Variants in ATP10D observed in about 807,000 individuals in gnomAD.
ATP10D encodes the protein ATPase phospholipid transporting 10D (putative), also known as phospholipid-transporting ATPase VD.
Under a neutral mutation model 144.8 loss-of-function variants are expected in ATP10D, and 89 were observed. The ratio of observed to expected loss-of-function variants is 0.61; its 90% CI spans 0.52 to 0.73. ATP10D has a LOEUF of 0.73. Ranked by LOEUF, ATP10D falls within the 30% of genes least tolerant of loss-of-function variation. The pLI, the probability that ATP10D is intolerant of heterozygous loss-of-function variation, is 0.00. For missense variants in ATP10D, 1,603 were observed against 1,714.8 expected (o/e 0.93, Z 1.15); for synonymous variants, 571 against 615.1 (o/e 0.93, Z 1.06).
intron 3 of ATP10D, among the ~76,000 whole-genome samples, chr4:47,519,665 G>T (rs1334313956): frequency 6.6e-6 from 1 of 152,130 alleles, no homozygotes; most frequent in Non-Finnish European, 1.5e-5. Flanking sequence ...GGACTGATGT[G>T]CTGTCTCACC....
chr4:47,548,069 C>A (rs909491656), intron 10 of ATP10D, among the ~76,000 whole-genome samples: 1 of 151,894 alleles, frequency 6.6e-6, no homozygotes, highest in Non-Finnish European at 1.5e-5. Context: ...TTTTATCTAT[C>A]CTTGTATTGA....
chr4:47,514,094 G>A (rs1437989105), intron 2 of ATP10D, among the ~76,000 whole-genome samples: 1 of 152,214 alleles, frequency 6.6e-6, no homozygotes, highest in African/African-American at 2.4e-5. Flanking sequence ...GGCTGGAAGA[G>A]TATTTTGTTT....
intron 5 of ATP10D, among the ~76,000 whole-genome samples, chr4:47,528,906 C>T (rs964966380): frequency 6.6e-6 from 1 of 151,988 alleles, no homozygotes; most frequent in South Asian, 2.1e-4. Context: ...TCTGATGACT[C>T]GTGATGCTGA....
In ATP10D at chr4:47,546,628, G is replaced by C. The variant is rs139734817; in HGVS notation, c.1401G>C (p.Arg467Ser). 14 of 1,613,742 alleles carry C rather than the reference G, an allele frequency of 8.7e-6. No homozygotes were observed. The highest frequency in any genetic ancestry group is 1.2e-5 in the Non-Finnish European group (14 of 1,179,770). ...GFDYCHEENA[R>S]RLESYQEAVS... ...AGTGTGCTTTTTATCCCACAGCCAGGAGGTTGGAGTCCTATCAGGAAGCTG... is the reference window on the plus strand; with the variant it reads ...AGTGTGCTTTTTATCCCACAGCCAGCAGGTTGGAGTCCTATCAGGAAGCTG... The change falls in exon 10 of 23, where the codon AGG becomes AGC. Residue 467 changes from arginine (R) to serine (S), a missense_variant. Coordinates refer to ENST00000273859, the MANE Select transcript of ATP10D (RefSeq NM_020453.4).
chr4:47,514,383 A>T (rs983942717), intron 2 of ATP10D, among the ~76,000 whole-genome samples: 5 of 152,228 alleles, frequency 3.3e-5, no homozygotes, highest in African/African-American at 4.8e-5. Context: ...GATGTGGTCC[A>T]CCTGGAAAGA....
rs762570178 is a variant in ATP10D at position 47,515,500 on chromosome 4, C to T, written c.315C>T (p.Phe105=). 2 of 1,612,634 alleles carry T rather than the reference C, an allele frequency of 1.2e-6. No individual in the cohort carries two copies. Among genetic ancestry groups the T allele is most frequent in the East Asian group, 2.2e-5 (1 of 44,850 alleles). The change falls in exon 3 of 23, where the codon TTC becomes TTT. Residue 105 remains phenylalanine, a synonymous_variant. Transcript: ENST00000273859. The part of the protein sequence containing the change: ...FHRAANLYFL[F]LVVLNWVPLV... ...GAGCTGCCAATTTATATTTCCTGTT[C>T]CTAGTTGTCCTGAACTGGGTACCTT...
intron 1 of ATP10D, among the ~76,000 whole-genome samples, chr4:47,506,964 T>C (rs1428445203): frequency 2.0e-5 from 3 of 152,228 alleles, no homozygotes; most frequent in Admixed American, 1.3e-4. Context: ...TGCTGGACTT[T>C]CTCTTAGTAA....
chr4:47,493,367 A>G (rs1424853057), intron 1 of ATP10D, among the ~76,000 whole-genome samples: 1 of 152,240 alleles, frequency 6.6e-6, no homozygotes, highest in African/African-American at 2.4e-5. Context: ...AGTAGAAACC[A>G]TACTTCAATT....
chr4:47,498,366 A>G (rs1334071781), intron 1 of ATP10D, among the ~76,000 whole-genome samples: 2 of 152,222 alleles, frequency 1.3e-5, no homozygotes, highest in African/African-American at 4.8e-5. Flanking sequence ...CACAACCAAA[A>G]ATATCTCCAG....
chr4:47,512,705 C>A lies in ATP10D; in HGVS notation c.165C>A (p.Pro55=). 6.2e-7 allele frequency: 1 copy of A among 1,614,208 alleles called. No individual in the cohort carries two copies. ...KLSGRHRIVV[P]HIQPFKDEYE... is the part of the protein sequence containing the mutation. Reference sequence around the variant, plus strand: ...CAGGAAGGCACCGGATTGTTGTTCCCCACATCCAGCCCTTCAAGGATGAGT... The same window carrying A: ...CAGGAAGGCACCGGATTGTTGTTCCACACATCCAGCCCTTCAAGGATGAGT... The change falls in exon 2 of 23, where the codon CCC becomes CCA. Residue 55 remains proline (P), a synonymous_variant. Transcript: ENST00000273859.
intron 5 of ATP10D, among the ~76,000 whole-genome samples, chr4:47,527,720 TA>T (rs1157525701): frequency 6.6e-6 from 1 of 152,072 alleles, no homozygotes; most frequent in East Asian, 1.9e-4. Context: ...CTGCTACAAT[TA>T]AAAAGATCAA....
In ATP10D at chr4:47,559,043, G is replaced by C; in HGVS notation, c.2541+14G>C. 2 of 1,593,390 alleles carry C rather than the reference G, an allele frequency of 1.3e-6. No individual in the cohort carries two copies. Among genetic ancestry groups the C allele is most frequent in the Non-Finnish European group, 1.7e-6 (2 of 1,164,100 alleles). On this transcript the variant is annotated intron_variant, in intron 13 of 22. Coordinates refer to ENST00000273859, the MANE Select transcript of ATP10D (RefSeq NM_020453.4). ...ATAGCAAAGAAGGTGAGACTGCTTA[G>C]TGCGCTCCATCTTTTTTGTTTTTTC...
intron 3 of ATP10D, among the ~76,000 whole-genome samples, chr4:47,518,406 G>A (rs552518175): frequency 1.3e-5 from 2 of 152,050 alleles, no homozygotes; most frequent in East Asian, 3.9e-4. Flanking sequence ...TTAAAATAGG[G>A]GCCACTTATA....
In ATP10D at chr4:47,584,618, G is replaced by A. The variant is rs143946573; in HGVS notation, c.3754-2401G>A. On this transcript the variant is annotated intron_variant, in intron 21 of 22. Coordinates refer to ENST00000273859, the MANE Select transcript of ATP10D (RefSeq NM_020453.4). ...TCACCATCTTAGCCAGGATGGTCTC[G>A]ATCTCCTGGTCTCGTGATCCACCCA... 9.9e-5 allele frequency among the ~76,000 whole-genome samples: 15 copies of A among 152,114 alleles called. No homozygotes were observed. The East Asian group carries it at 2.7e-3, about 28-fold the overall frequency.
intron 15 of ATP10D, among the ~76,000 whole-genome samples, chr4:47,566,227 G>A (rs1719631664): frequency 6.6e-6 from 1 of 152,192 alleles, no homozygotes; most frequent in South Asian, 2.1e-4. Context: ...TTACAAATTA[G>A]ATTATAAGTG....
intron 10 of ATP10D, among the ~76,000 whole-genome samples, chr4:47,548,406 C>T (rs188672605): frequency 6.6e-5 from 10 of 152,250 alleles, no homozygotes; most frequent in South Asian, 4.1e-4. Context: ...TTTCAGCATC[C>T]GAGCTCTGTT....
chr4:47,550,466 A>G (rs977499272), intron 10 of ATP10D, among the ~76,000 whole-genome samples: 1 of 152,098 alleles, frequency 6.6e-6, no homozygotes, highest in Non-Finnish European at 1.5e-5. Context: ...TGAAATCTAC[A>G]ACTTAGTAAT....
chr4:47,511,579 A>AT (rs1716330896), intron 1 of ATP10D, among the ~76,000 whole-genome samples: 1 of 152,238 alleles, frequency 6.6e-6, no homozygotes, highest in Non-Finnish European at 1.5e-5. Context: ...TTCTTGGAAA[A>AT]TAAGGAAACC....
At chr4:47,540,020 T>G (rs1718055869) in intron 9 of ATP10D, among the ~76,000 whole-genome samples, 1 of 152,200 alleles carries the variant, frequency 6.6e-6, no homozygotes, top group South Asian at 2.1e-4. Context: ...GGTACTAACT[T>G]TGCCTTTGAC....
Sources: allele counts gnomAD v4.1 joint callset (sites outside exome capture counted in the v4.1 genomes callset), GRCh38; gene constraint gnomAD v4.1.1; transcripts MANE v1.5; gene names NCBI Gene and HGNC (gene_info 2026-07-23, HGNC 2026-07-21).